ZFAT: variants seen among roughly 807,000 people sequenced by gnomAD.
The protein encoded by ZFAT is zinc finger protein ZFAT.
In ZFAT, 64 loss-of-function variants were observed where a neutral mutation model predicts 117.7. The ratio of observed to expected loss-of-function variants is 0.54; its 90% CI spans 0.44 to 0.67. The LOEUF is 0.67. Among genes scored for constraint, ZFAT ranks in the 30% least tolerant of loss-of-function variants. The pLI is 0.00. For synonymous variants in ZFAT, 679 were observed against 615.0 expected, an observed-to-expected ratio of 1.10 and a Z score of -1.54; for missense variants, 1,433 against 1,584.5, an observed-to-expected ratio of 0.90 and a Z score of 1.62.
intron 1 of ZFAT, among the ~76,000 whole-genome samples, chr8:134,709,721 C>T (rs1386682002): frequency 6.6e-6 from 1 of 152,176 alleles, no homozygotes; most frequent in Non-Finnish European, 1.5e-5. Context: ...TTGCTCTAGG[C>T]AAGAGCTTAA....
intron 14 of ZFAT, chr8:134,510,052 T>G (rs1047428635): frequency 6.5e-5 from 31 of 474,126 alleles, no homozygotes; most frequent in Non-Finnish European, 1.2e-4. Flanking sequence ...AAGCCAGAAC[T>G]TGAACCCACG....
At chr8:134,510,321 G>T (rs559502138) in intron 14 of ZFAT, 2 of 379,012 alleles carry the variant, frequency 5.3e-6, no homozygotes, top group Admixed American at 5.7e-5. Flanking sequence ...TAGTATCCCC[G>T]CCTGCTCCCA....
intron 2 of ZFAT, among the ~76,000 whole-genome samples, chr8:134,645,622 A>G (rs1830843051): frequency 6.6e-6 from 1 of 152,256 alleles, no homozygotes; most frequent in Non-Finnish European, 1.5e-5. Context: ...TAACATGCAA[A>G]TAACATCAAA....
chr8:134,697,502 C>T (rs1253909587), intron 1 of ZFAT, among the ~76,000 whole-genome samples: 7 of 148,368 alleles, frequency 4.7e-5, no homozygotes, highest in South Asian at 2.2e-4. Flanking sequence ...CCGAGGTGGG[C>T]GGATCACGAA....
intron 13 of ZFAT, among the ~76,000 whole-genome samples, chr8:134,520,336 C>T (rs1820560016): frequency 6.6e-6 from 1 of 152,138 alleles, no homozygotes; most frequent in Admixed American, 6.5e-5. Flanking sequence ...CCTTAGATAA[C>T]TGCAATTAGT....
the ZFAT span, among the ~76,000 whole-genome samples, chr8:134,735,344 C>T: frequency 3.3e-4 from 51 of 152,242 alleles, no homozygotes; most frequent in Non-Finnish European, 6.5e-4. Flanking sequence ...AAGTCTTTTC[C>T]CCAAAAGCTT....
intron 15 of ZFAT, among the ~76,000 whole-genome samples, chr8:134,503,125 T>C (rs1276291146): frequency 2.0e-5 from 3 of 152,164 alleles, no homozygotes; most frequent in African/African-American, 7.2e-5. Flanking sequence ...TCTACTCCCA[T>C]GGGGGCAGTG....
At chr8:134,522,042 C>T (rs1290620147) in intron 12 of ZFAT, among the ~76,000 whole-genome samples, 1 of 152,272 alleles carries the variant, frequency 6.6e-6, no homozygotes, top group East Asian at 1.9e-4. Context: ...ATCCTGGAAT[C>T]TCAGACCTTC....
Position 134,645,081 on chromosome 8 carries a change from GAA to G in ZFAT, c.197-7371_197-7370del, listed in dbSNP as rs1488414326. 2.6e-5 allele frequency among the ~76,000 whole-genome samples: 4 copies of G among 152,328 alleles called. No individual in the cohort carries two copies. The East Asian group carries it at 5.8e-4, about 22-fold the overall frequency. On this transcript the variant is annotated intron_variant, in intron 2 of 15. Transcript: ENST00000377838. The stretch of plus-strand genomic sequence containing the variant: ...GGATCACAGCCAGAGGTTTGATGAG[GAA>G]AAGAGAAGGAAAATGAAAGGTCTTT...
chr8:134,781,093 G>T, the ZFAT span, among the ~76,000 whole-genome samples: 2 of 152,036 alleles, frequency 1.3e-5, no homozygotes, highest in African/African-American at 2.4e-5. Context: ...GGTAGGGAAG[G>T]TATCATTAAA....
the ZFAT span, among the ~76,000 whole-genome samples, chr8:134,746,632 GT>G: frequency 6.6e-6 from 1 of 152,058 alleles, no homozygotes; most frequent in African/African-American, 2.4e-5. Flanking sequence ...TTTGGAACAT[GT>G]TCAAATCCTT....
upstream of ZFAT, among the ~76,000 whole-genome samples, chr8:134,716,528 C>T (rs1814213236): frequency 6.6e-6 from 1 of 152,146 alleles, no homozygotes; most frequent in Admixed American, 6.5e-5. Flanking sequence ...TAGCAGTAGC[C>T]AGGGCCCCTT....
At chr8:134,550,506 A>T (rs1018176606) in intron 11 of ZFAT, among the ~76,000 whole-genome samples, 11 of 152,226 alleles carry the variant, frequency 7.2e-5, no homozygotes, top group Non-Finnish European at 1.3e-4. Context: ...TGAGGCAATT[A>T]TCTCATCACA....
At chr8:134,583,105 G>A (rs985155125) in intron 10 of ZFAT, among the ~76,000 whole-genome samples, 7 of 151,768 alleles carry the variant, frequency 4.6e-5, no homozygotes, top group Non-Finnish European at 7.4e-5. Context: ...ACTGCCCACC[G>A]AGCTCACCAC....
the ZFAT span, chr8:134,784,955 A>T: frequency 6.6e-6 from 1 of 152,234 alleles, no homozygotes; most frequent in Non-Finnish European, 1.5e-5. Flanking sequence ...ACAAGCTTTA[A>T]GTGTTCTGAC....
intron 11 of ZFAT, among the ~76,000 whole-genome samples, chr8:134,560,079 G>A (rs1350653302): frequency 6.6e-6 from 1 of 152,092 alleles, no homozygotes; most frequent in Admixed American, 6.5e-5. Flanking sequence ...AGAATGAATG[G>A]GCCATTCAAT....
chr8:134,669,212 A>G (rs1586923433), intron 1 of ZFAT, among the ~76,000 whole-genome samples: 1 of 152,204 alleles, frequency 6.6e-6, no homozygotes, highest in African/African-American at 2.4e-5. Context: ...CCCCAGCCTA[A>G]CAAGGTAGGC....
intron 1 of ZFAT, among the ~76,000 whole-genome samples, chr8:134,696,079 G>A (rs1210211017): frequency 6.6e-6 from 1 of 151,388 alleles, no homozygotes; most frequent in African/African-American, 2.4e-5. Context: ...AACTAAGGAG[G>A]AGCTGCCCCC....
the ZFAT span, chr8:134,800,561 A>G: frequency 5.8e-6 from 3 of 518,130 alleles, no homozygotes; most frequent in Non-Finnish European, 1.2e-5. Context: ...CAGCCAATCC[A>G]TGTATTACAG....
Sources: gnomAD v4.1 joint callset for allele counts (sites outside exome capture counted in the v4.1 genomes callset) on GRCh38, gnomAD v4.1.1 for gene constraint, MANE v1.5 for transcripts, NCBI Gene and HGNC (gene_info 2026-07-23, HGNC 2026-07-21) for gene names.